SLC39A11: variants seen among roughly 807,000 people sequenced by gnomAD.
SLC39A11 encodes zinc transporter ZIP11.
Under a neutral mutation model 36.1 loss-of-function variants are expected in SLC39A11, and 33 were observed. That is an observed-to-expected ratio of 0.91 (90% CI 0.69 to 1.22). The LOEUF (loss-of-function observed/expected upper bound fraction) is 1.22. SLC39A11 is among the 50% of genes most tolerant of loss of function. The probability of loss-of-function intolerance (pLI) is 0.00; values close to 1 mark genes in which losing one functional copy is unlikely to be tolerated. For missense variants in SLC39A11, 432 were observed against 430.3 expected (o/e 1.00, Z -0.03); for synonymous variants, 166 against 170.3 (o/e 0.97, Z 0.20).
chr17:72,670,639 C>T (rs1180323857), intron 7 of SLC39A11, among the ~76,000 whole-genome samples: 3 of 152,206 alleles, frequency 2.0e-5, no homozygotes, highest in Non-Finnish European at 2.9e-5. Flanking sequence ...TAATCCACTA[C>T]TATCATTATT....
In SLC39A11 at chr17:72,947,505, AGAT is replaced by A; in HGVS notation, c.430+244_430+246del. ...CACTGTCCACCTGTCCAAGTCGAAAAGATGATCAAAAGGTACCGTTACCTTCTG... is the reference window on the plus strand; with the variant it reads ...CACTGTCCACCTGTCCAAGTCGAAAAGATCAAAAGGTACCGTTACCTTCTG... On this transcript the variant is annotated intron_variant, in intron 5 of 9. Transcript: ENST00000255559. The A allele has an allele frequency of 5.4e-6, 3 of 557,588 alleles. No homozygotes were observed. In the Admixed American group the frequency reaches 9.2e-5, roughly 17 times the overall value. 34.5% of individuals were successfully genotyped at this position (557,588 alleles called of 1,614,324 possible).
chr17:73,067,696 AT>A (rs1359560662), intron 3 of SLC39A11, among the ~76,000 whole-genome samples: 1 of 152,078 alleles, frequency 6.6e-6, no homozygotes, highest in Non-Finnish European at 1.5e-5. Flanking sequence ...TACAAATCAC[AT>A]TTTTTTGAGT....
Position 72,877,077 on chromosome 17 carries a change from T to C in SLC39A11, c.431-27273A>G, listed in dbSNP as rs538234375. 3.9e-5 allele frequency among the ~76,000 whole-genome samples: 6 copies of C among 152,328 alleles called. No homozygotes were observed. The South Asian group carries it at 1.0e-3, about 26-fold the overall frequency. On this transcript the variant is annotated intron_variant, in intron 5 of 9. Transcript: ENST00000255559. ...TGTCCCACCTGGGTTAGATAAAATC[T>C]AATTAAGCATCATCTTATCAAAAGA...
At chr17:72,812,237 G>A (rs184414034) in intron 6 of SLC39A11, among the ~76,000 whole-genome samples, 1 of 152,322 alleles carries the variant, frequency 6.6e-6, no homozygotes, top group East Asian at 1.9e-4. Context: ...GGGAAGACAA[G>A]CATCTGGGCA....
intron 1 of SLC39A11, among the ~76,000 whole-genome samples, chr17:73,090,447 C>T (rs1568260850): frequency 6.6e-6 from 1 of 152,202 alleles, no homozygotes; most frequent in Non-Finnish European, 1.5e-5. Context: ...CATCCGTCAT[C>T]TTGCTAAGCC....
chr17:72,980,750 C>T (rs1302284934), intron 4 of SLC39A11, among the ~76,000 whole-genome samples: 1 of 152,142 alleles, frequency 6.6e-6, no homozygotes, highest in Non-Finnish European at 1.5e-5. Context: ...TGAGGCTGGG[C>T]ACGGTGGCTC....
chr17:73,026,142 GA>G (rs2058529164), intron 4 of SLC39A11, among the ~76,000 whole-genome samples: 1 of 142,876 alleles, frequency 7.0e-6, no homozygotes, highest in Non-Finnish European at 1.5e-5. Context: ...GAAGAGAAGA[GA>G]AAAGAGAGAG....
chr17:73,004,204 AAAGAAAGAAAG>A (rs2090024696), intron 4 of SLC39A11, among the ~76,000 whole-genome samples: 1 of 127,454 alleles, frequency 7.8e-6, no homozygotes, highest in African/African-American at 2.9e-5. Context: ...AGAAAGAAAG[AAAGAAAGAAAG>A]AAAGAAAGAA....
At chr17:72,985,702 C>T (rs1014207162) in intron 4 of SLC39A11, among the ~76,000 whole-genome samples, 2 of 152,108 alleles carry the variant, frequency 1.3e-5, no homozygotes, top group African/African-American at 2.4e-5. Flanking sequence ...CATGAGCCAC[C>T]GCATCTGGCC....
intron 4 of SLC39A11, among the ~76,000 whole-genome samples, chr17:72,975,334 G>A (rs1397415154): frequency 6.6e-6 from 1 of 152,228 alleles, no homozygotes; most frequent in East Asian, 1.9e-4. Flanking sequence ...AGCCACTTTG[G>A]AGGCTGAGCC....
intron 5 of SLC39A11, among the ~76,000 whole-genome samples, chr17:72,932,028 G>C (rs1433823866): frequency 2.0e-5 from 3 of 152,144 alleles, no homozygotes; most frequent in Non-Finnish European, 2.9e-5. Context: ...CGATTTTATA[G>C]TATATTTTTC....
chr17:73,065,963 A>C (rs2059985960), intron 3 of SLC39A11, among the ~76,000 whole-genome samples: 1 of 152,106 alleles, frequency 6.6e-6, no homozygotes, highest in African/African-American at 2.4e-5. Flanking sequence ...GAGAATGGCC[A>C]CAATGAAGGC....
intron 6 of SLC39A11, chr17:72,837,832 C>T (rs535317275): frequency 2.7e-6 from 2 of 734,986 alleles, no homozygotes; most frequent in African/African-American, 1.8e-5. Flanking sequence ...GAAAGTCAGT[C>T]CCGGTTAGGG....
intron 6 of SLC39A11, among the ~76,000 whole-genome samples, chr17:72,844,775 C>G (rs2078977820): frequency 6.6e-6 from 1 of 152,208 alleles, no homozygotes; most frequent in African/African-American, 2.4e-5. Flanking sequence ...ATCCAGCTGT[C>G]TAGTCAGTAT....
intron 3 of SLC39A11, among the ~76,000 whole-genome samples, chr17:73,076,760 T>C (rs1266655951): frequency 1.3e-5 from 2 of 151,886 alleles, no homozygotes; most frequent in African/African-American, 4.8e-5. Flanking sequence ...AGTAGTGACC[T>C]AGGAGAAGTA....
At chr17:72,991,140 G>A (rs1358690613) in intron 4 of SLC39A11, among the ~76,000 whole-genome samples, 1 of 152,130 alleles carries the variant, frequency 6.6e-6, no homozygotes, top group African/African-American at 2.4e-5. Flanking sequence ...AGAAAGAATT[G>A]CAGCTCTTCT....
At chr17:72,911,585 T>C (rs111441050) in intron 5 of SLC39A11, among the ~76,000 whole-genome samples, 7 of 152,124 alleles carry the variant, frequency 4.6e-5, no homozygotes, top group Non-Finnish European at 7.3e-5. Context: ...CCAGGCAATC[T>C]TCTGTCCTTC....
At chr17:72,926,865 G>A (rs1279484590) in intron 5 of SLC39A11, among the ~76,000 whole-genome samples, 1 of 152,088 alleles carries the variant, frequency 6.6e-6, no homozygotes, top group Admixed American at 6.5e-5. Flanking sequence ...GACACCTGGG[G>A]ATCAAGCTGA....
chr17:72,696,946 C>T (rs1030333051), intron 7 of SLC39A11, among the ~76,000 whole-genome samples: 3 of 152,146 alleles, frequency 2.0e-5, no homozygotes, highest in Admixed American at 2.0e-4. Flanking sequence ...GGACCCTGGC[C>T]CGAGACTGCT....
Sources: gnomAD v4.1 joint callset for allele counts (sites outside exome capture counted in the v4.1 genomes callset) on GRCh38, gnomAD v4.1.1 for gene constraint, MANE v1.5 for transcripts, NCBI Gene and HGNC (gene_info 2026-07-23, HGNC 2026-07-21) for gene names.